The following TMEFF2 variants were observed in gnomAD, a reference collection of about 807,000 sequenced individuals.
The protein encoded by TMEFF2 is tomoregulin-2.
Under a neutral mutation model 53.8 loss-of-function variants are expected in TMEFF2, and 28 were observed. The ratio of observed to expected loss-of-function variants is 0.52; its 90% CI spans 0.39 to 0.71. TMEFF2 has a LOEUF of 0.71. Among genes scored for constraint, TMEFF2 ranks in the 30% least tolerant of loss-of-function variants. The pLI, the probability that TMEFF2 is intolerant of heterozygous loss-of-function variation, is 0.00. For synonymous variants in TMEFF2, 162 were observed against 166.3 expected (o/e 0.97, Z 0.20); for missense variants, 353 against 455.2 (o/e 0.78, Z 2.04).
At chr2:192,084,622 TGA>T (rs1688628342) in intron 4 of TMEFF2, among the ~76,000 whole-genome samples, 1 of 152,246 alleles carries the variant, frequency 6.6e-6, no homozygotes. Flanking sequence ...GCTTATATGT[TGA>T]GTTTTATTTC....
intron 5 of TMEFF2, among the ~76,000 whole-genome samples, chr2:192,040,639 T>C (rs1687452467): frequency 6.6e-6 from 1 of 152,106 alleles, no homozygotes; most frequent in Non-Finnish European, 1.5e-5. Context: ...GGTAGTTCTT[T>C]AGAGCTCACA....
At chr2:192,119,512 T>C (rs1384689320) in intron 4 of TMEFF2, among the ~76,000 whole-genome samples, 2 of 152,242 alleles carry the variant, frequency 1.3e-5, no homozygotes, top group Non-Finnish European at 2.9e-5. Flanking sequence ...TCTCTCAATA[T>C]ATGCCTTTTA....
rs536276393 is a variant in TMEFF2, at chr2:192,135,584, G to A, written c.439+44084C>T. ...GCTTGAAGCAGCCCTGAGAAACATC[G>A]TCCATTCTCTCTCCATACCACCCCC... On this transcript the variant is annotated intron_variant, in intron 4 of 9. Coordinates refer to ENST00000272771, the MANE Select transcript of TMEFF2 (RefSeq NM_016192.4). Among the ~76,000 whole-genome samples the A allele has an allele frequency of 5.3e-5, 8 of 151,966 alleles. No homozygotes were observed. The East Asian group carries it at 9.7e-4, about 18-fold the overall frequency.
At chr2:192,105,278 T>A (rs1487692826) in intron 4 of TMEFF2, among the ~76,000 whole-genome samples, 11 of 151,924 alleles carry the variant, frequency 7.2e-5, no homozygotes, top group Admixed American at 7.2e-4. Context: ...ATTTTTCACA[T>A]TTCCCCCTTA....
In TMEFF2 at chr2:192,057,750, A is replaced by G. The variant is rs1384834073; in HGVS notation, c.465T>C (p.Ser155=). ...DGVHEGSGET[S]QKETSTCDIC... is the part of the protein sequence containing the mutation. ...TATCACAGGTGGATGTCTCCTTTTG[A>G]CTAGTTTCTCCAGAGCCTTCATGGA... The change falls in exon 5 of 10, where the codon AGT becomes AGC. Residue 155 remains serine (S), a synonymous_variant. Transcript: ENST00000272771. The G allele has an allele frequency of 6.2e-7, 1 of 1,614,010 alleles. No homozygotes were observed. Among genetic ancestry groups the G allele is most frequent in the South Asian group, 1.1e-5 (1 of 91,086 alleles).
chr2:192,096,215 T>C (rs997164241), intron 4 of TMEFF2, among the ~76,000 whole-genome samples: 2 of 152,174 alleles, frequency 1.3e-5, no homozygotes, highest in Admixed American at 1.3e-4. Flanking sequence ...GGAATATTCA[T>C]TGGGCCTGTT....
rs1004723079 is a variant in TMEFF2, at chr2:192,057,670, G to A, written c.536+9C>T. 1.9e-6 allele frequency: 3 copies of A among 1,609,078 alleles called. No individual in the cohort carries two copies. Among genetic ancestry groups the A allele is most frequent in the South Asian group, 2.2e-5 (2 of 90,940 alleles). On this transcript the variant is annotated intron_variant, in intron 5 of 9. Coordinates refer to ENST00000272771, the MANE Select transcript of TMEFF2 (RefSeq NM_016192.4). ...TATTTTGTCTAAAAGAATAAAAACA[G>A]CATATTACCAGACATCCTCGGCATC...
intron 2 of TMEFF2, among the ~76,000 whole-genome samples, chr2:192,191,409 G>T (rs911823578): frequency 2.6e-5 from 4 of 152,026 alleles, no homozygotes; most frequent in Non-Finnish European, 5.9e-5. Flanking sequence ...ACAAAGTGTT[G>T]AGGTTACACT....
chr2:192,168,026 T>C (rs932710272), intron 4 of TMEFF2, among the ~76,000 whole-genome samples: 2 of 152,132 alleles, frequency 1.3e-5, no homozygotes, highest in South Asian at 2.1e-4. Context: ...GTTGAGTCTT[T>C]ACTTTCAGTC....
chr2:192,134,013 C>G (rs1351936124), intron 4 of TMEFF2, among the ~76,000 whole-genome samples: 1 of 152,204 alleles, frequency 6.6e-6, no homozygotes, highest in Non-Finnish European at 1.5e-5. Flanking sequence ...GCCTTTCTGT[C>G]CAAACAACTT....
chr2:192,092,193 A>G (rs1018399611), intron 4 of TMEFF2, among the ~76,000 whole-genome samples: 9 of 151,952 alleles, frequency 5.9e-5, no homozygotes, highest in East Asian at 3.9e-4. Context: ...GAATGAGTGG[A>G]AAAAAAATGG....
At chr2:191,952,631 C>T (rs1264043565) in intron 9 of TMEFF2, among the ~76,000 whole-genome samples, 1 of 152,136 alleles carries the variant, frequency 6.6e-6, no homozygotes, top group Non-Finnish European at 1.5e-5. Flanking sequence ...ATGACCTGCC[C>T]TTAAGCCTTG....
intron 4 of TMEFF2, among the ~76,000 whole-genome samples, chr2:192,153,814 C>T (rs887313638): frequency 6.6e-6 from 1 of 151,884 alleles, no homozygotes. Context: ...AGTGCTGATG[C>T]TACTCAAATA....
intron 5 of TMEFF2, among the ~76,000 whole-genome samples, chr2:192,018,501 C>G (rs191421378): frequency 6.6e-6 from 1 of 152,218 alleles, no homozygotes; most frequent in Admixed American, 6.5e-5. Flanking sequence ...TTCTTCCCCT[C>G]ATTTTATTTT....
At chr2:192,125,423 T>C (rs965519793) in intron 4 of TMEFF2, among the ~76,000 whole-genome samples, 1 of 152,198 alleles carries the variant, frequency 6.6e-6, no homozygotes, top group Non-Finnish European at 1.5e-5. Context: ...CTTTGTATTA[T>C]AAGCAATAAT....
intron 3 of TMEFF2, among the ~76,000 whole-genome samples, chr2:192,183,100 C>A (rs1483587289): frequency 6.6e-6 from 1 of 151,966 alleles, no homozygotes; most frequent in African/African-American, 2.4e-5. Context: ...CTCCTGACCA[C>A]CCTTTCATGA....
intron 5 of TMEFF2, among the ~76,000 whole-genome samples, chr2:192,049,037 A>T (rs888611719): frequency 6.6e-6 from 1 of 152,226 alleles, no homozygotes; most frequent in African/African-American, 2.4e-5. Flanking sequence ...GGCATCATAC[A>T]CAATGTAGGT....
At chr2:192,177,836 G>T (rs1248441886) in intron 4 of TMEFF2, 1 of 150,856 alleles carries the variant, frequency 6.6e-6, no homozygotes, top group East Asian at 1.9e-4. Flanking sequence ...ATGAACCAAA[G>T]ATTTTAATAT....
At chr2:192,134,786 CAT>C (rs761674850) in intron 4 of TMEFF2, among the ~76,000 whole-genome samples, 22 of 152,188 alleles carry the variant, frequency 1.4e-4, no homozygotes, top group Non-Finnish European at 3.1e-4. Context: ...TTCTGTCAGA[CAT>C]AATTCCTCAG....
Sources: gnomAD v4.1 joint callset for allele counts (sites outside exome capture counted in the v4.1 genomes callset) on GRCh38, gnomAD v4.1.1 for gene constraint, MANE v1.5 for transcripts, NCBI Gene and HGNC (gene_info 2026-07-23, HGNC 2026-07-21) for gene names.